Variants in PCDH9 observed in about 807,000 individuals in gnomAD.
The protein encoded by PCDH9 is protocadherin 9.
A neutral mutation model predicts 70.6 loss-of-function variants in PCDH9; 24 were observed. The ratio of observed to expected loss-of-function variants is 0.34; its 90% CI spans 0.25 to 0.48. PCDH9 has a LOEUF of 0.48. Ranked by LOEUF, PCDH9 falls within the 20% of genes least tolerant of loss-of-function variation. PCDH9 has a pLI of 0.99. For synonymous variants in PCDH9, 562 were observed against 558.5 expected, an observed-to-expected ratio of 1.01 and a Z score of -0.09; for missense variants, 1,281 against 1,503.6, an observed-to-expected ratio of 0.85 and a Z score of 2.45.
intron 3 of PCDH9, among the ~76,000 whole-genome samples, chr13:66,765,877 G>C (rs2139261889): frequency 6.6e-6 from 1 of 152,058 alleles, no homozygotes; most frequent in East Asian, 1.9e-4. Flanking sequence ...AAGACTAGGT[G>C]TCTACACTAT....
chr13:66,583,480 G>A (rs896792136), intron 4 of PCDH9, among the ~76,000 whole-genome samples: 48 of 151,810 alleles, frequency 3.2e-4, no homozygotes, highest in South Asian at 6.3e-4. Flanking sequence ...GGCTTGGGGG[G>A]ACGCGCCTAT....
chr13:66,491,612 T>G (rs1214506608), intron 4 of PCDH9, among the ~76,000 whole-genome samples: 1 of 152,134 alleles, frequency 6.6e-6, no homozygotes, highest in Non-Finnish European at 1.5e-5. Context: ...TTGAATTGTT[T>G]GGGTAATACT....
chr13:66,973,496 A>C (rs2083561174), intron 2 of PCDH9, among the ~76,000 whole-genome samples: 1 of 151,996 alleles, frequency 6.6e-6, no homozygotes, highest in South Asian at 2.1e-4. Flanking sequence ...TCCTCAAAGA[A>C]AAAGGAAGAG....
chr13:66,683,456 C>T (rs73497784), intron 3 of PCDH9, among the ~76,000 whole-genome samples: 12,706 of 152,188 alleles, frequency 0.083, 820 homozygotes, highest in African/African-American at 0.18. Flanking sequence ...TGGGATAATG[C>T]TATCTCATTT....
intron 2 of PCDH9, among the ~76,000 whole-genome samples, chr13:67,060,147 TG>T (rs1418065642): frequency 6.6e-6 from 1 of 152,074 alleles, no homozygotes; most frequent in Non-Finnish European, 1.5e-5. Context: ...AACACATTGC[TG>T]GAAGAATTTC....
At chr13:66,857,905 T>C (rs2081420851) in intron 3 of PCDH9, among the ~76,000 whole-genome samples, 1 of 152,104 alleles carries the variant, frequency 6.6e-6, no homozygotes, top group Non-Finnish European at 1.5e-5. Context: ...CCCCAAAGCC[T>C]CAAAGCCAGG....
intron 4 of PCDH9, among the ~76,000 whole-genome samples, chr13:66,325,330 T>C (rs909869003): frequency 3.3e-5 from 5 of 152,070 alleles, no homozygotes; most frequent in African/African-American, 4.8e-5. Context: ...TTTAGGTCTC[T>C]AACTGATTGC....
At chr13:66,929,273 C>T (rs534534383) in intron 2 of PCDH9, among the ~76,000 whole-genome samples, 16 of 151,362 alleles carry the variant, frequency 1.1e-4, no homozygotes, top group Admixed American at 4.6e-4. Flanking sequence ...TCATGTTTGG[C>T]GGCCTTATAA....
chr13:66,664,623 T>C (rs1208753818), intron 3 of PCDH9, among the ~76,000 whole-genome samples: 1 of 152,144 alleles, frequency 6.6e-6, no homozygotes, highest in African/African-American at 2.4e-5. Context: ...TTAAAGTTTA[T>C]TTTCCAAAAA....
At chr13:67,102,192 A>C in intron 2 of PCDH9, among the ~76,000 whole-genome samples, 1 of 152,194 alleles carries the variant, frequency 6.6e-6, no homozygotes, top group East Asian at 1.9e-4. Flanking sequence ...ACAGTACAAT[A>C]GTGAAACTGC....
At chr13:67,049,668 C>T (rs556285676) in intron 2 of PCDH9, among the ~76,000 whole-genome samples, 2 of 152,286 alleles carry the variant, frequency 1.3e-5, no homozygotes, top group South Asian at 4.1e-4. Flanking sequence ...ATCCCCATAT[C>T]TTCTTCAGAG....
intron 3 of PCDH9, among the ~76,000 whole-genome samples, chr13:66,851,941 C>G (rs2081321486): frequency 6.6e-6 from 1 of 152,064 alleles, no homozygotes; most frequent in Admixed American, 6.5e-5. Flanking sequence ...CTTGCATATG[C>G]AGCTGTCTTT....
chr13:66,589,271 C>G (rs542261000), intron 4 of PCDH9, among the ~76,000 whole-genome samples: 1 of 152,034 alleles, frequency 6.6e-6, no homozygotes, highest in South Asian at 2.1e-4. Flanking sequence ...TCAATTACAA[C>G]GAAATTGTCA....
chr13:66,550,941 G>C (rs1412786605), intron 4 of PCDH9, among the ~76,000 whole-genome samples: 2 of 152,150 alleles, frequency 1.3e-5, no homozygotes, highest in East Asian at 3.8e-4. Flanking sequence ...GCTACAACTT[G>C]TTTGATTAGC....
At chr13:66,655,482 T>C (rs2077916460) in intron 3 of PCDH9, among the ~76,000 whole-genome samples, 1 of 152,064 alleles carries the variant, frequency 6.6e-6, no homozygotes, top group Admixed American at 6.6e-5. Context: ...TGTAATCTTT[T>C]TAATGTGCTT....
At chr13:67,225,288 T>G in intron 2 of PCDH9, 117 bp downstream of exon 2, 1 of 1,302,858 alleles carries the variant, frequency 7.7e-7, no homozygotes. Context: ...AGTTTTTTTT[T>G]ACCTCTTTCT....
intron 4 of PCDH9, among the ~76,000 whole-genome samples, chr13:66,334,653 G>T (rs2138127535): frequency 6.6e-6 from 1 of 151,644 alleles, no homozygotes; most frequent in Middle Eastern, 3.4e-3. Context: ...CTTACAATAA[G>T]TATGTCTTTA....
At chr13:66,708,829 A>T (rs2078752904) in intron 3 of PCDH9, among the ~76,000 whole-genome samples, 2 of 152,056 alleles carry the variant, frequency 1.3e-5, no homozygotes, top group Non-Finnish European at 2.9e-5. Context: ...CCAAGAGCAA[A>T]ATCCATGACA....
At chr13:66,609,875 C>T (rs1229844717) in intron 4 of PCDH9, among the ~76,000 whole-genome samples, 1 of 151,536 alleles carries the variant, frequency 6.6e-6, no homozygotes, top group Non-Finnish European at 1.5e-5. Context: ...CTTATCAACT[C>T]AAATTTGATT....
Sources: gnomAD v4.1 joint callset for allele counts (sites outside exome capture counted in the v4.1 genomes callset) on GRCh38, gnomAD v4.1.1 for gene constraint, MANE v1.5 for transcripts, NCBI Gene and HGNC (gene_info 2026-07-23, HGNC 2026-07-21) for gene names.